Variants in ZNF500 observed in about 807,000 individuals in gnomAD.
ZNF500 encodes the protein zinc finger protein 500, also known as zinc finger protein with KRAB and SCAN domains 18.
Under a neutral mutation model 30.1 loss-of-function variants are expected in ZNF500, and 31 were observed. The observed-to-expected ratio is 1.03, with a 90% CI of 0.77 to 1.39. The LOEUF (loss-of-function observed/expected upper bound fraction) is 1.39. Ranked by LOEUF, ZNF500 falls within the 40% of genes most tolerant of loss-of-function variation. The pLI is 0.00. For synonymous variants in ZNF500, 392 were observed against 282.0 expected, an observed-to-expected ratio of 1.39 and a Z score of -3.91; for missense variants, 817 against 657.8, an observed-to-expected ratio of 1.24 and a Z score of -2.65.
chr16:4,755,314 C>T (rs1450675529), intron 5 of ZNF500, among the ~76,000 whole-genome samples: 2 of 151,702 alleles, frequency 1.3e-5, no homozygotes, highest in East Asian at 1.9e-4. Context: ...AATATTTTTA[C>T]TTATTTATTT....
chr16:4,765,001 C>T (rs2082248530), intron 2 of ZNF500, among the ~76,000 whole-genome samples: 1 of 151,574 alleles, frequency 6.6e-6, no homozygotes, highest in African/African-American at 2.4e-5. Context: ...ACCTCTCTCC[C>T]ACCAAAACCT....
chr16:4,751,598 G>C lies in ZNF500; in HGVS notation c.*778C>G. The C allele has an allele frequency of 6.5e-7, 1 of 1,535,178 alleles. No individual in the cohort carries two copies. Among genetic ancestry groups the C allele is most frequent in the Non-Finnish European group, 8.7e-7 (1 of 1,146,692 alleles). ...CCTGGGAAGGCTGGGGTACAGCAGG[G>C]CTCCCTGCAGCAGACGAGGGGTCCC... On this transcript the variant is annotated 3_prime_UTR_variant, in exon 6 of 6. Coordinates refer to ENST00000219478, the MANE Select transcript of ZNF500 (RefSeq NM_021646.4).
chr16:4,746,172 G>A (rs980567882), downstream of ZNF500: 1 of 531,814 alleles, frequency 1.9e-6, no homozygotes. Flanking sequence ...TCCATCATGA[G>A]GGACGTTCTG....
chr16:4,752,131 C>G lies in ZNF500; in HGVS notation c.*245G>C. On this transcript the variant is annotated 3_prime_UTR_variant, in exon 6 of 6. Coordinates refer to ENST00000219478, the MANE Select transcript of ZNF500 (RefSeq NM_021646.4). ...CCTGAGTGTGTCTCTGTGGCTGAAGCCCCTGCTCTGTGTCACCTGTTCTGG... is the reference window on the plus strand; with the variant it reads ...CCTGAGTGTGTCTCTGTGGCTGAAGGCCCTGCTCTGTGTCACCTGTTCTGG... 1 of 1,362,078 alleles carries G rather than the reference C, an allele frequency of 7.3e-7. No homozygotes were observed. The highest frequency in any genetic ancestry group is 2.0e-5 in the South Asian group (1 of 48,806). 84.4% of individuals were successfully genotyped at this position (1,362,078 alleles called of 1,614,324 possible).
chr16:4,766,232 T>C (rs113637668), intron 1 of ZNF500, 156 bp from the exon 2 acceptor site: 171 of 403,132 alleles, frequency 4.2e-4, no homozygotes, highest in African/African-American at 3.3e-3. Flanking sequence ...TAACCCCCTG[T>C]TAATTCCCGG....
chr16:4,762,481 C>G, intron 3 of ZNF500, 92 bp downstream of exon 3: 1 of 1,516,822 alleles, frequency 6.6e-7, no homozygotes, highest in Admixed American at 2.0e-5. Flanking sequence ...TGCATCCAGG[C>G]AGGCCTCTGC....
In ZNF500 at chr16:4,750,068, G is replaced by A. The variant is rs149761358; in HGVS notation, c.*2308C>T. On this transcript the variant is annotated 3_prime_UTR_variant, in exon 6 of 6. Coordinates refer to ENST00000219478, the MANE Select transcript of ZNF500 (RefSeq NM_021646.4). Reference sequence around the variant, plus strand: ...GGCAGACCCCAACCACACTCCCCCAGAGGCCGCCACCTCCAGCACAGGCCT... The same window carrying A: ...GGCAGACCCCAACCACACTCCCCCAAAGGCCGCCACCTCCAGCACAGGCCT... 1,412 of 152,636 alleles carry A rather than the reference G, an allele frequency of 9.3e-3. 16 individuals are homozygous for A. The highest frequency in any genetic ancestry group is 0.014 in the Non-Finnish European group (978 of 68,306). 9.5% of individuals were successfully genotyped at this position (152,636 alleles called of 1,614,324 possible).
chr16:4,747,436 G>A (rs151153820), downstream of ZNF500: 436 of 1,613,080 alleles, frequency 2.7e-4, 1 homozygote, highest in Admixed American at 1.2e-3. Flanking sequence ...AGGGGCCCGC[G>A]GGTGGGAGGG....
Position 4,751,395 on chromosome 16 carries a change from G to T in ZNF500, c.*981C>A. The stretch of plus-strand genomic sequence containing the variant: ...CCCTGGGCCCCGGCCCTGGGGAGAT[G>T]TCAGGCCCGTCACATCCCAGGCAAC... On this transcript the variant is annotated 3_prime_UTR_variant, in exon 6 of 6. Coordinates refer to ENST00000219478, the MANE Select transcript of ZNF500 (RefSeq NM_021646.4). 1 of 606,778 alleles carries T rather than the reference G, an allele frequency of 1.6e-6. No individual in the cohort carries two copies. The highest frequency in any genetic ancestry group is 2.8e-6 in the Non-Finnish European group (1 of 354,700). 37.6% of individuals were successfully genotyped at this position (606,778 alleles called of 1,614,324 possible).
intron 5 of ZNF500, 193 bp from the exon 6 acceptor site, chr16:4,753,251 A>G: frequency 8.6e-7 from 1 of 1,158,226 alleles, no homozygotes; most frequent in Non-Finnish European, 1.1e-6. Flanking sequence ...GCTTGAGCCC[A>G]GGAGTTCAAG....
chr16:4,744,962 G>A, downstream of ZNF500: 8 of 1,613,984 alleles, frequency 5.0e-6, no homozygotes, highest in Non-Finnish European at 6.8e-6. Flanking sequence ...TGCCCGGAAG[G>A]TGCCTGCCGA....
intron 5 of ZNF500, among the ~76,000 whole-genome samples, chr16:4,759,953 C>T (rs555998555): frequency 6.6e-5 from 10 of 152,296 alleles, no homozygotes; most frequent in South Asian, 2.1e-4. Context: ...GTGGGAGCAT[C>T]GCTTGAACCC....
Position 4,762,696 on chromosome 16 carries a change from G to A in ZNF500, c.475C>T (p.His159Tyr), listed in dbSNP as rs770820491. 2.5e-6 allele frequency: 4 copies of A among 1,614,036 alleles called. No individual in the cohort carries two copies. Among genetic ancestry groups the A allele is most frequent in the South Asian group, 1.1e-5 (1 of 91,082 alleles). The stretch of plus-strand genomic sequence containing the variant: ...TCCTCTGGCTGAGCCTCTGCCTGGT[G>A]TTTTAAGAACTGTCCCCCTATCCCG... ...PLGIGGQFLKHQAEAQPEDLS... is the reference protein window; with the variant it reads ...PLGIGGQFLKYQAEAQPEDLS... The change falls in exon 3 of 6, where the codon CAC (histidine) becomes TAC (tyrosine). Residue 159 changes from histidine to tyrosine, a missense_variant. Coordinates refer to ENST00000219478, the MANE Select transcript of ZNF500 (RefSeq NM_021646.4).
chr16:4,762,987 T>A, intron 2 of ZNF500: 2 of 985,410 alleles, frequency 2.0e-6, no homozygotes, highest in South Asian at 9.4e-5. Context: ...CATCACATTC[T>A]TACCCTCTAT....
intron 5 of ZNF500, among the ~76,000 whole-genome samples, chr16:4,758,094 C>T (rs1256617488): frequency 6.6e-6 from 1 of 152,026 alleles, no homozygotes; most frequent in African/African-American, 2.4e-5. Context: ...GACAGGGTTT[C>T]ACCATGTTGG....
In ZNF500 at chr16:4,765,750, G is replaced by A. The variant is rs202096453; in HGVS notation, c.229C>T (p.Arg77Cys). Residue 77 changes from arginine (R) to cysteine (C), a missense_variant, in exon 2 of 6, where the codon CGC becomes TGC. Transcript: ENST00000219478. ...GTGCGCAGCTCCGGCCGCAGCCAGC[G>A]GCAGCACAGCTCCCAGAGGCGGCTC... ...ALSRLWELCC[R>C]WLRPELRTKE... 2.0e-5 allele frequency: 33 copies of A among 1,613,142 alleles called. No individual in the cohort carries two copies. Among genetic ancestry groups the A allele is most frequent in the Admixed American group, 1.7e-4 (10 of 60,000 alleles).
At chr16:4,745,946 C>G (rs2082010090), downstream of ZNF500, among the ~76,000 whole-genome samples, 1 of 117,016 alleles carries the variant, frequency 8.5e-6, no homozygotes, top group African/African-American at 3.1e-5. Flanking sequence ...GAGCAAGACT[C>G]TGTCTCAAAA....
At chr16:4,761,362 C>T (rs1338163078) in intron 4 of ZNF500, among the ~76,000 whole-genome samples, 1 of 151,804 alleles carries the variant, frequency 6.6e-6, no homozygotes, top group Non-Finnish European at 1.5e-5. Context: ...ATCGCTTGAA[C>T]CCGGGAGCCG....
intron 5 of ZNF500, among the ~76,000 whole-genome samples, chr16:4,757,335 C>CA (rs1337419305): frequency 6.6e-6 from 1 of 152,056 alleles, no homozygotes; most frequent in Non-Finnish European, 1.5e-5. Context: ...TTTTTTGAGA[C>CA]AGAGTCTCAC....
Sources: gnomAD v4.1 joint callset for allele counts (sites outside exome capture counted in the v4.1 genomes callset) on GRCh38, gnomAD v4.1.1 for gene constraint, MANE v1.5 for transcripts, NCBI Gene and HGNC (gene_info 2026-07-23, HGNC 2026-07-21) for gene names.